Variants in SHISA9 observed in about 807,000 individuals in gnomAD.
SHISA9 encodes shisa family member 9, also known as protein shisa-9.
In SHISA9, 13 loss-of-function variants were observed where a neutral mutation model predicts 38.0. That is an observed-to-expected ratio of 0.34 (90% CI 0.22 to 0.54). SHISA9 has a LOEUF of 0.54. SHISA9 is among the 20% of genes least tolerant of loss of function. The pLI is 0.91. For synonymous variants in SHISA9, 275 were observed against 242.0 expected (o/e 1.14, Z -1.27); for missense variants, 538 against 575.8 (o/e 0.93, Z 0.67).
intron 1 of SHISA9, among the ~76,000 whole-genome samples, chr16:12,903,740 T>A (rs1205209797): frequency 1.3e-5 from 2 of 151,930 alleles, no homozygotes; most frequent in Admixed American, 6.6e-5. Context: ...GGCAACGAAG[T>A]CGCTGTATTT....
the SHISA9 span, among the ~76,000 whole-genome samples, chr16:13,403,660 A>G: frequency 6.6e-6 from 1 of 152,228 alleles, no homozygotes; most frequent in East Asian, 1.9e-4. Context: ...ATGCCTCCAC[A>G]AGGAGGGAAA....
intron 2 of SHISA9, among the ~76,000 whole-genome samples, chr16:13,187,646 C>T (rs1026279247): frequency 6.6e-6 from 1 of 151,934 alleles, no homozygotes; most frequent in Non-Finnish European, 1.5e-5. Context: ...ATCTGGGGAA[C>T]TTTTGAAGGT....
chr16:13,499,036 G>A, the SHISA9 span, among the ~76,000 whole-genome samples: 1 of 152,172 alleles, frequency 6.6e-6, no homozygotes, highest in Admixed American at 6.5e-5. Context: ...CAGGAGGCCC[G>A]AGGTTTGCCA....
the SHISA9 span, among the ~76,000 whole-genome samples, chr16:13,431,458 CA>C: frequency 6.6e-6 from 1 of 152,152 alleles, no homozygotes; most frequent in Non-Finnish European, 1.5e-5. Context: ...TTTCAACATG[CA>C]ACTTATTTTT....
chr16:13,069,413 C>G (rs2073482419), intron 2 of SHISA9, among the ~76,000 whole-genome samples: 1 of 151,472 alleles, frequency 6.6e-6, no homozygotes, highest in Admixed American at 6.6e-5. Flanking sequence ...ACAATGTGTG[C>G]ATGTGTGTGT....
chr16:13,034,496 G>T (rs1285967792), intron 2 of SHISA9, among the ~76,000 whole-genome samples: 2 of 152,198 alleles, frequency 1.3e-5, no homozygotes, highest in African/African-American at 4.8e-5. Flanking sequence ...ACATCTTATT[G>T]AGGGCAGGAA....
At chr16:13,272,285 T>A in the SHISA9 span, among the ~76,000 whole-genome samples, 2 of 152,260 alleles carry the variant, frequency 1.3e-5, no homozygotes, top group Admixed American at 6.5e-5. Context: ...TCAAAGCAGT[T>A]GCTGTTCTTT....
chr16:13,268,466 G>A, the SHISA9 span, among the ~76,000 whole-genome samples: 10 of 152,232 alleles, frequency 6.6e-5, no homozygotes, highest in Admixed American at 6.5e-4. Context: ...CCAAGATCGT[G>A]CCATTGCACT....
intron 2 of SHISA9, among the ~76,000 whole-genome samples, chr16:13,126,247 C>T (rs898500348): frequency 1.3e-5 from 2 of 152,168 alleles, no homozygotes; most frequent in Non-Finnish European, 2.9e-5. Context: ...TCCAATTCCT[C>T]TATCATAACG....
intron 2 of SHISA9, among the ~76,000 whole-genome samples, chr16:13,018,892 A>G (rs1011363432): frequency 6.6e-6 from 1 of 152,242 alleles, no homozygotes; most frequent in African/African-American, 2.4e-5. Flanking sequence ...AGAACGCTGG[A>G]AAGCCTTGAC....
chr16:13,523,449 G>A, the SHISA9 span, among the ~76,000 whole-genome samples: 1 of 152,154 alleles, frequency 6.6e-6, no homozygotes, highest in African/African-American at 2.4e-5. Flanking sequence ...AGAAATACCT[G>A]AGACTGGGTA....
intron 2 of SHISA9, among the ~76,000 whole-genome samples, chr16:12,979,273 A>G (rs1477020658): frequency 6.6e-6 from 1 of 150,554 alleles, no homozygotes; most frequent in South Asian, 2.1e-4. Context: ...AGTATCTGCT[A>G]TATGCAAGAC....
At chr16:12,905,220 G>A (rs2071077170) in intron 1 of SHISA9, among the ~76,000 whole-genome samples, 1 of 152,192 alleles carries the variant, frequency 6.6e-6, no homozygotes, top group Non-Finnish European at 1.5e-5. Context: ...TCACATACAT[G>A]CAAGAAAATC....
intron 2 of SHISA9, among the ~76,000 whole-genome samples, chr16:13,158,932 C>T (rs1387961604): frequency 4.0e-5 from 6 of 150,380 alleles, no homozygotes; most frequent in Non-Finnish European, 7.4e-5. Context: ...TGGTGGCATG[C>T]GCCTGTAGTC....
chr16:13,295,054 G>C, the SHISA9 span, among the ~76,000 whole-genome samples: 1 of 152,054 alleles, frequency 6.6e-6, no homozygotes. Flanking sequence ...AGAAAGGTTT[G>C]GTACCTTGTC....
chr16:13,004,290 G>C (rs1596577710), intron 2 of SHISA9, among the ~76,000 whole-genome samples: 1 of 152,220 alleles, frequency 6.6e-6, no homozygotes, highest in African/African-American at 2.4e-5. Context: ...CCTCAATAGT[G>C]AGTCTGTGGC....
At chr16:13,527,670 A>T in the SHISA9 span, among the ~76,000 whole-genome samples, 1 of 152,192 alleles carries the variant, frequency 6.6e-6, no homozygotes, top group Non-Finnish European at 1.5e-5. Flanking sequence ...CACGGAATTC[A>T]AGTTCCTAGT....
chr16:13,199,722 C>G (rs1596725222), intron 2 of SHISA9, among the ~76,000 whole-genome samples: 1 of 152,314 alleles, frequency 6.6e-6, no homozygotes, highest in East Asian at 1.9e-4. Context: ...TGGAAGAACT[C>G]TGATTGGCCC....
At chr16:13,396,826 C>T in the SHISA9 span, among the ~76,000 whole-genome samples, 1 of 152,138 alleles carries the variant, frequency 6.6e-6, no homozygotes, top group Non-Finnish European at 1.5e-5. Context: ...GGCACCCTCC[C>T]TCCCCATGAG....
Sources: gnomAD v4.1 joint callset for allele counts (sites outside exome capture counted in the v4.1 genomes callset) on GRCh38, gnomAD v4.1.1 for gene constraint, MANE v1.5 for transcripts, NCBI Gene and HGNC (gene_info 2026-07-23, HGNC 2026-07-21) for gene names.